The following CELF4 variants were observed in gnomAD, a reference collection of about 807,000 sequenced individuals.
The protein encoded by CELF4 is CUG-BP- and ETR-3-like factor 4.
CELF4 carries 18 observed loss-of-function variants against 59.9 expected under a neutral mutation model. That is an observed-to-expected ratio of 0.30 (90% CI 0.21 to 0.45). CELF4 has a LOEUF of 0.45. CELF4 is among the 20% of genes least tolerant of loss of function. The probability of loss-of-function intolerance (pLI) is 1.00; values close to 1 mark genes in which losing one functional copy is unlikely to be tolerated. For synonymous variants in CELF4, 261 were observed against 267.1 expected (o/e 0.98, Z 0.22); for missense variants, 456 against 689.0 (o/e 0.66, Z 3.79).
intron 1 of CELF4, among the ~76,000 whole-genome samples, chr18:37,531,181 T>C (rs1169837967): frequency 1.3e-5 from 2 of 152,156 alleles, no homozygotes; most frequent in Non-Finnish European, 2.9e-5. Flanking sequence ...CAGGGCTGCC[T>C]GTCCTGACAA....
Position 37,565,766 on chromosome 18 carries a change from A to C in CELF4, c.-125T>G. The stretch of plus-strand genomic sequence containing the variant: ...GGGTTCTCTCCCCCTCGGTTTCTCT[A>C]CACCTCGCTCTCCGCTCGCTCTCTG... On this transcript the variant is annotated 5_prime_UTR_variant, in exon 1 of 13. Coordinates refer to ENST00000420428, the MANE Select transcript of CELF4 (RefSeq NM_020180.4). 1.5e-6 allele frequency: 1 copy of C among 659,646 alleles called. No individual in the cohort carries two copies. The highest frequency in any genetic ancestry group is 2.3e-6 in the Non-Finnish European group (1 of 430,622). 40.9% of individuals were successfully genotyped at this position (659,646 alleles called of 1,614,324 possible).
intron 2 of CELF4, among the ~76,000 whole-genome samples, chr18:37,362,951 G>T (rs1179000969): frequency 6.6e-6 from 1 of 152,186 alleles, no homozygotes; most frequent in East Asian, 1.9e-4. Context: ...GGAGATAACA[G>T]GAAGGACCCT....
intron 1 of CELF4, among the ~76,000 whole-genome samples, chr18:37,508,628 G>A (rs1466942939): frequency 6.6e-6 from 1 of 152,262 alleles, no homozygotes; most frequent in African/African-American, 2.4e-5. Context: ...AGCTGCAGGG[G>A]ACATGAGACA....
chr18:37,518,337 A>C (rs2099953280), intron 1 of CELF4, among the ~76,000 whole-genome samples: 1 of 152,220 alleles, frequency 6.6e-6, no homozygotes, highest in South Asian at 2.1e-4. Context: ...CTGGGCAATA[A>C]GCGACACACA....
chr18:37,386,678 C>G (rs1362259446), intron 2 of CELF4, among the ~76,000 whole-genome samples: 1 of 152,130 alleles, frequency 6.6e-6, no homozygotes, highest in Non-Finnish European at 1.5e-5. Flanking sequence ...TAAAACAAGC[C>G]TATAAAGAAA....
intron 1 of CELF4, among the ~76,000 whole-genome samples, chr18:37,544,651 G>A (rs1351666176): frequency 6.6e-6 from 1 of 152,210 alleles, no homozygotes; most frequent in East Asian, 1.9e-4. Flanking sequence ...ACGTGAGGAT[G>A]AGAATTTAAG....
chr18:37,556,404 A>G (rs1365265126), intron 1 of CELF4, among the ~76,000 whole-genome samples: 1 of 152,200 alleles, frequency 6.6e-6, no homozygotes, highest in African/African-American at 2.4e-5. Flanking sequence ...CTGCACCAAA[A>G]CTTCCAATCA....
At chr18:37,446,443 G>A (rs2099748439) in intron 2 of CELF4, among the ~76,000 whole-genome samples, 1 of 152,072 alleles carries the variant, frequency 6.6e-6, no homozygotes, top group Non-Finnish European at 1.5e-5. Context: ...TTGGACTGTA[G>A]TTTCCACAGG....
intron 1 of CELF4, among the ~76,000 whole-genome samples, chr18:37,550,548 G>A (rs940407271): frequency 3.3e-5 from 5 of 152,342 alleles, no homozygotes; most frequent in East Asian, 1.9e-4. Flanking sequence ...CAGATATGAC[G>A]TTGGTTTAAG....
intron 3 of CELF4, among the ~76,000 whole-genome samples, chr18:37,284,921 C>T (rs143858088): frequency 2.2e-4 from 33 of 152,298 alleles, no homozygotes; most frequent in East Asian, 2.1e-3. Flanking sequence ...TGGTCTGGAC[C>T]GAGCTGAGCT....
chr18:37,308,064 C>T (rs541037491), intron 3 of CELF4, among the ~76,000 whole-genome samples: 133 of 152,154 alleles, frequency 8.7e-4, no homozygotes, highest in Non-Finnish European at 1.5e-3. Context: ...ATAGCAATGA[C>T]GGGCTCCTGA....
intron 9 of CELF4, among the ~76,000 whole-genome samples, chr18:37,265,419 C>A (rs1334992685): frequency 6.6e-6 from 1 of 152,200 alleles, no homozygotes; most frequent in African/African-American, 2.4e-5. Context: ...TCACCCCACA[C>A]CACCTGGAAT....
At chr18:37,267,932 G>A (rs1462645256) in intron 8 of CELF4, among the ~76,000 whole-genome samples, 1 of 152,188 alleles carries the variant, frequency 6.6e-6, no homozygotes, top group East Asian at 1.9e-4. Context: ...AGCTACTCAG[G>A]AGGCTGAGGC....
At chr18:37,555,232 A>ACCAAG (rs1375860768) in intron 1 of CELF4, among the ~76,000 whole-genome samples, 2 of 152,214 alleles carry the variant, frequency 1.3e-5, no homozygotes, top group Non-Finnish European at 2.9e-5. Flanking sequence ...ATCCGGTGAG[A>ACCAAG]CCAAGCCAAG....
At chr18:37,372,301 A>G (rs573616489) in intron 2 of CELF4, among the ~76,000 whole-genome samples, 9 of 152,394 alleles carry the variant, frequency 5.9e-5, no homozygotes, top group African/African-American at 2.2e-4. Flanking sequence ...CTATGCAGCC[A>G]TAACAAAGGC....
chr18:37,258,809 G>C (rs1051452097), intron 11 of CELF4, among the ~76,000 whole-genome samples: 9 of 152,190 alleles, frequency 5.9e-5, no homozygotes, highest in African/African-American at 2.2e-4. Flanking sequence ...GCTGGGCTCT[G>C]CCTGCTGCCC....
chr18:37,293,785 G>A (rs575262096), intron 3 of CELF4, among the ~76,000 whole-genome samples: 69 of 152,254 alleles, frequency 4.5e-4, no homozygotes, highest in Non-Finnish European at 8.7e-4. Context: ...TGAAGTCTTC[G>A]AAATGGTCAG....
chr18:37,270,694 T>C, intron 8 of CELF4, 74 bp downstream of exon 8: 3 of 1,570,278 alleles, frequency 1.9e-6, no homozygotes, highest in South Asian at 1.1e-5. Context: ...CATCTTGTTA[T>C]AACAGCAAGG....
chr18:37,406,875 G>T (rs565696654), intron 2 of CELF4, among the ~76,000 whole-genome samples: 16 of 152,134 alleles, frequency 1.1e-4, no homozygotes, highest in African/African-American at 3.9e-4. Context: ...GGGGGAATGG[G>T]GAAAGCCAGG....
Sources: allele counts gnomAD v4.1 joint callset (sites outside exome capture counted in the v4.1 genomes callset), GRCh38; gene constraint gnomAD v4.1.1; transcripts MANE v1.5; gene names NCBI Gene and HGNC (gene_info 2026-07-23, HGNC 2026-07-21).